The following DGKE variants were observed in gnomAD, a reference collection of about 807,000 sequenced individuals.
The protein encoded by DGKE is diacylglycerol kinase epsilon, also known as DAG kinase epsilon.
In DGKE, 53 loss-of-function variants were observed where a neutral mutation model predicts 70.0. The ratio of observed to expected loss-of-function variants is 0.76; its 90% CI spans 0.61 to 0.95. The LOEUF (loss-of-function observed/expected upper bound fraction) is 0.95. DGKE is among the 40% of genes least tolerant of loss of function. DGKE has a pLI of 0.00. For missense variants in DGKE, 655 were observed against 706.9 expected, an observed-to-expected ratio of 0.93 and a Z score of 0.83; for synonymous variants, 291 against 257.0, an observed-to-expected ratio of 1.13 and a Z score of -1.27.
chr17:56,837,124 G>C (rs1906676790), intron 2 of DGKE, among the ~76,000 whole-genome samples: 1 of 152,154 alleles, frequency 6.6e-6, no homozygotes, highest in Non-Finnish European at 1.5e-5. Flanking sequence ...AGGGTTGCTA[G>C]ATTTAGCAGA....
At chr17:56,855,216 G>A (rs1276982075) in intron 7 of DGKE, among the ~76,000 whole-genome samples, 1 of 151,748 alleles carries the variant, frequency 6.6e-6, no homozygotes, top group Non-Finnish European at 1.5e-5. Flanking sequence ...GAACAACTAG[G>A]ATTGAAAATT....
In DGKE at chr17:56,847,931, G is replaced by T; in HGVS notation, c.754G>T (p.Val252Leu). 6.4e-7 allele frequency: 1 copy of T among 1,553,004 alleles called. No individual in the cohort carries two copies. Among genetic ancestry groups the T allele is most frequent in the Non-Finnish European group, 8.7e-7 (1 of 1,154,806 alleles). Residue 252 changes from valine (V) to leucine (L), a missense_variant, in exon 5 of 12, where the codon GTA becomes TTA. Transcript: ENST00000284061. ...TTTCTTTTGTTTCTAGGTTTTTGAT[G>T]TAACTAAAACTCCTCCTATCAAAGC... Reference protein sequence around the residue: ...ILLNPVQVFDVTKTPPIKALQ... With the variant: ...ILLNPVQVFDLTKTPPIKALQ...
rs943486760 is a variant in DGKE at position 56,847,949 on chromosome 17, A to G, written c.772A>G (p.Ile258Val). The change falls in exon 5 of 12, where the codon ATC (isoleucine) becomes GTC (valine). Residue 258 changes from isoleucine (I) to valine (V), a missense_variant. Ile to Val is a conservative substitution (Grantham distance 29, BLOSUM62 3). Coordinates refer to ENST00000284061, the MANE Select transcript of DGKE (RefSeq NM_003647.3). ...TTTTGATGTAACTAAAACTCCTCCT[A>G]TCAAAGCCCTACAACTCTGTACTCT... ...QVFDVTKTPP[I>V]KALQLCTLLP... 3 of 1,583,092 alleles carry G rather than the reference A, an allele frequency of 1.9e-6. No homozygotes were observed. In the African/African-American group the frequency reaches 4.1e-5, roughly 22 times the overall value.
intron 8 of DGKE, 54 bp from the exon 9 acceptor site, chr17:56,858,540 T>C: frequency 2.1e-6 from 3 of 1,436,876 alleles, no homozygotes; most frequent in Non-Finnish European, 9.5e-7. Context: ...TTTTTTCTTA[T>C]TGTTTACAGG....
rs375297881 is a variant in DGKE, at chr17:56,854,537, A to G, written c.1099-1975A>G. 3.3e-5 allele frequency among the ~76,000 whole-genome samples: 5 copies of G among 151,924 alleles called. No homozygotes were observed. The South Asian group carries it at 1.0e-3, about 32-fold the overall frequency. On this transcript the variant is annotated intron_variant, in intron 7 of 11. Coordinates refer to ENST00000284061, the MANE Select transcript of DGKE (RefSeq NM_003647.3). Reference sequence around the variant, plus strand: ...TCTGTGTTGCCCGGGCTGGTCTCAAACTCCTGGGCTCAAGCAGTCCACGCC... The same window carrying G: ...TCTGTGTTGCCCGGGCTGGTCTCAAGCTCCTGGGCTCAAGCAGTCCACGCC...
intron 11 of DGKE, 104 bp from the exon 12 acceptor site, chr17:56,862,508 A>G (rs1908356021): frequency 9.1e-7 from 1 of 1,102,264 alleles, no homozygotes; most frequent in East Asian, 2.6e-5. Context: ...TTTTCTAAAA[A>G]TGAAATGCAT....
At chr17:56,836,989 C>T (rs532563457) in intron 2 of DGKE, among the ~76,000 whole-genome samples, 2 of 152,264 alleles carry the variant, frequency 1.3e-5, no homozygotes, top group Middle Eastern at 3.4e-3. Flanking sequence ...ACTCAGCTTC[C>T]CTCCTCCCCC....
intron 2 of DGKE, among the ~76,000 whole-genome samples, chr17:56,842,226 T>C (rs559584371): frequency 3.3e-5 from 5 of 152,316 alleles, no homozygotes; most frequent in African/African-American, 1.2e-4. Context: ...TTTTATGCCT[T>C]TTTGTATTTT....
rs948536641 is a variant in DGKE, at chr17:56,863,797, G to A, written c.*1006G>A. 1 of 152,122 alleles carries A rather than the reference G, an allele frequency of 6.6e-6. No individual in the cohort carries two copies. The highest frequency in any genetic ancestry group is 1.5e-5 in the Non-Finnish European group (1 of 68,004). 9.4% of individuals were successfully genotyped at this position (152,122 alleles called of 1,614,324 possible). On this transcript the variant is annotated 3_prime_UTR_variant, in exon 12 of 12. Coordinates refer to ENST00000284061, the MANE Select transcript of DGKE (RefSeq NM_003647.3). ...ATATCATATTTATTTTAAAATGAGA[G>A]AGATATATTTTTAAATTATTTATTA...
At position 56,854,478 on chromosome 17, in the gene DGKE, T is replaced by A. The variant is rs183498669; in HGVS notation, c.1099-2034T>A. Among the ~76,000 whole-genome samples the A allele has an allele frequency of 1.0e-3, 155 of 152,060 alleles. 2 individuals are homozygous for A. The highest frequency in any genetic ancestry group is 8.3e-3 in the South Asian group (40 of 4,810). ...CACATGCCACCACACCCAGCCAATT[T>A]TATTTTTATTATTTTCAATAGAGAC... is the stretch of plus-strand genomic sequence containing the variant. On this transcript the variant is annotated intron_variant, in intron 7 of 11. Transcript: ENST00000284061.
Position 56,857,586 on chromosome 17 carries a change from A to G in DGKE, c.1212+961A>G, listed in dbSNP as rs143919681. On this transcript the variant is annotated intron_variant, in intron 8 of 11. Coordinates refer to ENST00000284061, the MANE Select transcript of DGKE (RefSeq NM_003647.3). ...GGTAATACGTATTACTATTTATACAATTGATAATTAACTCAGTCCTTACAT... is the reference window on the plus strand; with the variant it reads ...GGTAATACGTATTACTATTTATACAGTTGATAATTAACTCAGTCCTTACAT... 2.9e-3 allele frequency among the ~76,000 whole-genome samples: 440 copies of G among 152,332 alleles called. 6 individuals are homozygous for G. Among genetic ancestry groups the G allele is most frequent in the African/African-American group, 9.8e-3 (407 of 41,560 alleles).
At chr17:56,848,161 T>A (rs1750246486) in intron 5 of DGKE, 96 bp downstream of exon 5, 1 of 855,760 alleles carries the variant, frequency 1.2e-6, no homozygotes, top group Admixed American at 4.8e-5. Flanking sequence ...TTTGTTGTTG[T>A]TGTTGTTTTT....
At position 56,834,996 on chromosome 17, in the gene DGKE, G is replaced by A; in HGVS notation, c.201G>A (p.Leu67=). 2 of 1,612,742 alleles carry A rather than the reference G, an allele frequency of 1.2e-6. No individual in the cohort carries two copies. Among genetic ancestry groups the A allele is most frequent in the Non-Finnish European group, 1.7e-6 (2 of 1,179,998 alleles). The change falls in exon 2 of 12, where the codon CTG becomes CTA. Residue 67 remains leucine (L), a synonymous_variant. Coordinates refer to ENST00000284061, the MANE Select transcript of DGKE (RefSeq NM_003647.3). The stretch of plus-strand genomic sequence containing the variant: ...AGCACGGGTGGCGCGACACGGACCT[G>A]TTCAGCCAGCCCACCTACTGCTGCG... ...KSKHGWRDTD[L]FSQPTYCCVC...
intron 8 of DGKE, among the ~76,000 whole-genome samples, chr17:56,857,051 TC>T (rs1351665774): frequency 1.2e-4 from 19 of 152,150 alleles, no homozygotes; most frequent in African/African-American, 4.3e-4. Context: ...TGAGCCGAGA[TC>T]ATACCACTGC....
rs898911930 is a variant in DGKE at position 56,866,915 on chromosome 17, G to C, written c.*4124G>C. The C allele has an allele frequency of 6.6e-6, 1 of 152,166 alleles. No homozygotes were observed. The highest frequency in any genetic ancestry group is 1.9e-4 in the East Asian group (1 of 5,206). 9.4% of individuals were successfully genotyped at this position (152,166 alleles called of 1,614,324 possible). ...TAATTTTTACATATTCAGAAACTTC[G>C]TGTTTTTTTGGTGGACAGAATATTT... On this transcript the variant is annotated 3_prime_UTR_variant, in exon 12 of 12. Coordinates refer to ENST00000284061, the MANE Select transcript of DGKE (RefSeq NM_003647.3).
intron 2 of DGKE, chr17:56,836,249 C>G (rs755319702): frequency 2.0e-5 from 3 of 152,078 alleles, no homozygotes; most frequent in Non-Finnish European, 2.9e-5. Flanking sequence ...AGCATGAACG[C>G]TATTATAATG....
chr17:56,857,648 T>G (rs181384512), intron 8 of DGKE, among the ~76,000 whole-genome samples: 1 of 152,320 alleles, frequency 6.6e-6, no homozygotes, highest in East Asian at 1.9e-4. Flanking sequence ...AGAAAATGTT[T>G]GTTAGATTAA....
rs956477132 is a variant in DGKE, at chr17:56,849,214, C to T, written c.1080C>T (p.Tyr360=). ...WKVQVTNKGY[Y]NLRKPKEFTM... is the part of the protein sequence containing the mutation. ...TTCAAGTAACAAATAAAGGATACTA[C>T]AACTTAAGAAAACCCAAGGTATGTT... Residue 360 remains tyrosine (Y), a synonymous_variant, in exon 7 of 12, where the codon TAC becomes TAT. Transcript: ENST00000284061. 1 of 1,609,514 alleles carries T rather than the reference C, an allele frequency of 6.2e-7. No homozygotes were observed. The highest frequency in any genetic ancestry group is 8.5e-7 in the Non-Finnish European group (1 of 1,178,826).
intron 4 of DGKE, among the ~76,000 whole-genome samples, chr17:56,847,107 G>A (rs553595260): frequency 1.2e-4 from 19 of 152,036 alleles, no homozygotes; most frequent in South Asian, 4.1e-4. Context: ...TTTGTCTTTC[G>A]AAATATTTTT....
Sources: allele counts gnomAD v4.1 joint callset (sites outside exome capture counted in the v4.1 genomes callset), GRCh38; gene constraint gnomAD v4.1.1; transcripts MANE v1.5; gene names NCBI Gene and HGNC (gene_info 2026-07-23, HGNC 2026-07-21).